Variants in CAMK1D observed in about 807,000 individuals in gnomAD.
The protein encoded by CAMK1D is calcium/calmodulin-dependent protein kinase type 1D.
CAMK1D carries 9 observed loss-of-function variants against 47.7 expected under a neutral mutation model. That is an observed-to-expected ratio of 0.19 (90% confidence interval 0.11 to 0.33). The LOEUF (loss-of-function observed/expected upper bound fraction) is 0.33, where lower values mean the gene tolerates loss of function less well. Ranked by LOEUF, CAMK1D falls within the 10% of genes least tolerant of loss-of-function variation. The pLI, the probability that CAMK1D is intolerant of heterozygous loss-of-function variation, is 1.00. For missense variants in CAMK1D, 291 were observed against 488.7 expected (o/e 0.60, Z 3.81); for synonymous variants, 184 against 184.9 (o/e 0.99, Z 0.04).
intron 2 of CAMK1D, among the ~76,000 whole-genome samples, chr10:12,611,252 C>T (rs943412753): frequency 6.6e-6 from 1 of 152,166 alleles, no homozygotes; most frequent in South Asian, 2.1e-4. Context: ...GCAGGCAACC[C>T]GGAAGACTCC....
intron 2 of CAMK1D, among the ~76,000 whole-genome samples, chr10:12,614,253 C>T (rs1588690737): frequency 6.6e-6 from 1 of 152,132 alleles, no homozygotes; most frequent in Non-Finnish European, 1.5e-5. Flanking sequence ...ACTTGGAAGC[C>T]CTTCACACAC....
At chr10:12,517,453 C>T (rs1226996315) in intron 1 of CAMK1D, among the ~76,000 whole-genome samples, 1 of 152,176 alleles carries the variant, frequency 6.6e-6, no homozygotes, top group Non-Finnish European at 1.5e-5. Flanking sequence ...TTATTCTTGA[C>T]CTGAACAGAA....
intron 1 of CAMK1D, among the ~76,000 whole-genome samples, chr10:12,545,715 G>A (rs4747988): frequency 0.11 from 16,638 of 151,460 alleles, 951 homozygotes; most frequent in South Asian, 0.15. Context: ...CAGGGGAATC[G>A]CTTGAACCAG....
chr10:12,564,151 C>CTG (rs1554789273), intron 2 of CAMK1D, among the ~76,000 whole-genome samples: 676 of 46,842 alleles, frequency 0.014, 4 homozygotes, highest in Middle Eastern at 0.029. Context: ...CTCTCTGTCT[C>CTG]TCTCTCTCTC....
chr10:12,675,394 T>C (rs1840773345), intron 3 of CAMK1D, among the ~76,000 whole-genome samples: 1 of 152,146 alleles, frequency 6.6e-6, no homozygotes, highest in African/African-American at 2.4e-5. Flanking sequence ...CTCTTGAATT[T>C]TCCACAAAAT....
chr10:12,683,234 G>T (rs915908949), intron 3 of CAMK1D, among the ~76,000 whole-genome samples: 2 of 151,720 alleles, frequency 1.3e-5, no homozygotes, highest in African/African-American at 4.8e-5. Context: ...CTACAGGTGC[G>T]CACCACCACG....
At chr10:12,816,980 C>T (rs901155001) in intron 8 of CAMK1D, among the ~76,000 whole-genome samples, 2 of 150,838 alleles carry the variant, frequency 1.3e-5, no homozygotes, top group African/African-American at 2.4e-5. Flanking sequence ...GCCTCACAAT[C>T]GTGGTGGAAG....
chr10:12,649,272 C>T (rs929883461), intron 2 of CAMK1D, among the ~76,000 whole-genome samples: 4 of 152,220 alleles, frequency 2.6e-5, no homozygotes, highest in Non-Finnish European at 5.9e-5. Flanking sequence ...GCTGTGTTGT[C>T]AGGTTCCAAG....
intron 2 of CAMK1D, among the ~76,000 whole-genome samples, chr10:12,588,778 GTA>G (rs375676578): frequency 0.042 from 6,204 of 149,332 alleles, 218 homozygotes; most frequent in African/African-American, 0.097. Context: ...AAGTGCATAT[GTA>G]TATATATATA....
At chr10:12,546,529 G>A (rs1365586059) in intron 1 of CAMK1D, among the ~76,000 whole-genome samples, 1 of 152,072 alleles carries the variant, frequency 6.6e-6, no homozygotes, top group African/African-American at 2.4e-5. Context: ...GCACATGAGA[G>A]AGATTAAAAT....
chr10:12,487,845 G>A (rs997865067), intron 1 of CAMK1D, among the ~76,000 whole-genome samples: 1 of 152,160 alleles, frequency 6.6e-6, no homozygotes, highest in Non-Finnish European at 1.5e-5. Flanking sequence ...GTGGATTTGG[G>A]ACAACAAATT....
intron 1 of CAMK1D, among the ~76,000 whole-genome samples, chr10:12,472,616 G>A (rs1347504064): frequency 9.2e-5 from 14 of 151,934 alleles, no homozygotes; most frequent in Admixed American, 9.2e-4. Context: ...CCGCCTCCTG[G>A]GTACAAGCGA....
chr10:12,596,721 G>T (rs1478486610), intron 2 of CAMK1D, among the ~76,000 whole-genome samples: 2 of 152,034 alleles, frequency 1.3e-5, no homozygotes, highest in Non-Finnish European at 1.5e-5. Flanking sequence ...CCATGGTGGG[G>T]TCTAGAATTT....
At position 12,737,111 on chromosome 10, in the gene CAMK1D, C is replaced by T. The variant is rs968089735; in HGVS notation, c.300-23837C>T. ...CAGGGGCTGGACAGACACACATTGGCCTCTCTAACACTGTCCCTGGGCCTT... is the reference window on the plus strand; with the variant it reads ...CAGGGGCTGGACAGACACACATTGGTCTCTCTAACACTGTCCCTGGGCCTT... On this transcript the variant is annotated intron_variant, in intron 3 of 10. Transcript: ENST00000619168. 3.9e-5 allele frequency among the ~76,000 whole-genome samples: 6 copies of T among 152,114 alleles called. No homozygotes were observed. In the East Asian group the frequency reaches 1.2e-3, roughly 29 times the overall value.
chr10:12,415,852 C>G (rs1403589278), intron 1 of CAMK1D: 3 of 149,096 alleles, frequency 2.0e-5, no homozygotes, highest in African/African-American at 7.4e-5. Flanking sequence ...GTTGTCCAGG[C>G]TAGAGTGCGG....
chr10:12,404,806 A>T (rs1839357354), intron 1 of CAMK1D, among the ~76,000 whole-genome samples: 1 of 151,484 alleles, frequency 6.6e-6, no homozygotes, highest in South Asian at 2.1e-4. Flanking sequence ...CTCGTGCCTC[A>T]GTCTCACGAG....
chr10:12,432,593 T>A (rs985370255), intron 1 of CAMK1D, among the ~76,000 whole-genome samples: 1 of 152,128 alleles, frequency 6.6e-6, no homozygotes, highest in African/African-American at 2.4e-5. Context: ...ATGAATGAGT[T>A]GAATAAATGA....
intron 2 of CAMK1D, among the ~76,000 whole-genome samples, chr10:12,553,882 C>T (rs1030109972): frequency 3.3e-5 from 5 of 152,158 alleles, no homozygotes; most frequent in African/African-American, 7.2e-5. Context: ...AATAGAGTCA[C>T]GTGTCCAAAG....
chr10:12,766,543 G>C (rs2130922128), intron 4 of CAMK1D, among the ~76,000 whole-genome samples: 1 of 151,978 alleles, frequency 6.6e-6, no homozygotes, highest in East Asian at 1.9e-4. Flanking sequence ...CTTCCAGCTT[G>C]CTTATTTATG....
Sources: gnomAD v4.1 joint callset for allele counts (sites outside exome capture counted in the v4.1 genomes callset) on GRCh38, gnomAD v4.1.1 for gene constraint, MANE v1.5 for transcripts, NCBI Gene and HGNC (gene_info 2026-07-23, HGNC 2026-07-21) for gene names.